The following FAM149B1 variants were observed in gnomAD, a reference collection of about 807,000 sequenced individuals.
FAM149B1 encodes primary cilium assembly protein FAM149B1.
Under a neutral mutation model 75.3 loss-of-function variants are expected in FAM149B1, and 56 were observed. The observed-to-expected ratio is 0.74, with a 90% CI of 0.60 to 0.93. The LOEUF (loss-of-function observed/expected upper bound fraction) is 0.93. Ranked by LOEUF, FAM149B1 falls within the 40% of genes least tolerant of loss-of-function variation. FAM149B1 has a pLI of 0.00. For missense variants in FAM149B1, 639 were observed against 708.4 expected, an observed-to-expected ratio of 0.90 and a Z score of 1.11; for synonymous variants, 259 against 256.1, an observed-to-expected ratio of 1.01 and a Z score of -0.11.
intron 7 of FAM149B1, among the ~76,000 whole-genome samples, chr10:73,220,953 G>C (rs2043399741): frequency 1.3e-5 from 2 of 152,150 alleles, no homozygotes; most frequent in Admixed American, 1.3e-4. Context: ...CCACAAAGAG[G>C]AATTAAGTAC....
chr10:73,232,837 C>T lies in FAM149B1; in HGVS notation c.1128-102C>T, dbSNP rs1009888808. 1.0e-5 allele frequency: 7 copies of T among 688,444 alleles called. No individual in the cohort carries two copies. The African/African-American group carries it at 1.1e-4, about 11-fold the overall frequency. 42.6% of individuals were successfully genotyped at this position (688,444 alleles called of 1,614,324 possible). On this transcript the variant is annotated intron_variant, in intron 9 of 13. Transcript: ENST00000242505. ...AGGTTTTTATTTTTGCTTTATTTCC[C>T]CCTAAATGTAGTTTCTAGTCTAAGG...
intron 7 of FAM149B1, among the ~76,000 whole-genome samples, chr10:73,226,478 C>T (rs1477945113): frequency 3.9e-5 from 6 of 152,122 alleles, no homozygotes. Flanking sequence ...ACGTTCCAGC[C>T]TGGGCAACAG....
intron 7 of FAM149B1, among the ~76,000 whole-genome samples, chr10:73,210,906 A>G (rs1039378322): frequency 6.6e-6 from 1 of 152,204 alleles, no homozygotes; most frequent in Non-Finnish European, 1.5e-5. Context: ...CTACTCTCAC[A>G]TACCACAACA....
At position 73,240,961 on chromosome 10, in the gene FAM149B1, G is replaced by A; in HGVS notation, c.1691G>A (p.Gly564Glu). ...GRGSAGPQLH[G>E]STKSQSGGRP... ...CATCTGACAGGTCCTCAGTTACATG[G>A]GTCTACAAAATCTCAAAGCGGAGGC... The change falls in exon 14 of 14, where the codon GGG becomes GAG. Residue 564 changes from glycine to glutamate, a missense_variant. By Grantham distance (98) the Gly-to-Glu change is moderately conservative. Transcript: ENST00000242505. 1.3e-6 allele frequency: 2 copies of A among 1,541,932 alleles called. No homozygotes were observed. The highest frequency in any genetic ancestry group is 1.8e-6 in the Non-Finnish European group (2 of 1,140,488).
intron 3 of FAM149B1, among the ~76,000 whole-genome samples, chr10:73,190,241 AT>A (rs56855443): frequency 0.059 from 8,535 of 143,758 alleles, 629 homozygotes; most frequent in African/African-American, 0.18. Flanking sequence ...GTAGTCACTG[AT>A]TTTTTTTTTT....
intron 5 of FAM149B1, among the ~76,000 whole-genome samples, chr10:73,201,996 C>T (rs1025294110): frequency 6.6e-6 from 1 of 152,010 alleles, no homozygotes; most frequent in Non-Finnish European, 1.5e-5. Context: ...GAAACCCCGT[C>T]TCTACTAAAA....
rs531458777 is a variant in FAM149B1 at position 73,180,283 on chromosome 10, T to C, written c.282+2308T>C. Among the ~76,000 whole-genome samples, 8 of 152,322 alleles carry C rather than the reference T, an allele frequency of 5.3e-5. No individual in the cohort carries two copies. In the South Asian group the frequency reaches 1.7e-3, roughly 32 times the overall value. On this transcript the variant is annotated intron_variant, in intron 3 of 13. Transcript: ENST00000242505. ...AAGCCCAAGGAGGAGAAGAGCTTCA[T>C]GTTTCCAAGGGAAAGTGTTTGGTGT...
rs529407810 is a variant in FAM149B1, at chr10:73,169,282, G to A, written c.47+896G>A. Among the ~76,000 whole-genome samples the A allele has an allele frequency of 3.9e-5, 6 of 151,984 alleles. No individual in the cohort carries two copies. The East Asian group carries it at 7.7e-4, about 20-fold the overall frequency. ...AGAGGTTGCAGTGAGCAGAGGTCACGCCATCGCACTCCAGTCTGGGTGACA... is the reference window on the plus strand; with the variant it reads ...AGAGGTTGCAGTGAGCAGAGGTCACACCATCGCACTCCAGTCTGGGTGACA... On this transcript the variant is annotated intron_variant, in intron 1 of 13. Coordinates refer to ENST00000242505, the MANE Select transcript of FAM149B1 (RefSeq NM_173348.2).
rs183455270 is a variant in FAM149B1 at position 73,203,176 on chromosome 10, G to A, written c.543-5443G>A. Among the ~76,000 whole-genome samples, 86 of 152,226 alleles carry A rather than the reference G, an allele frequency of 5.6e-4. 1 individual carries two copies. Among genetic ancestry groups the A allele is most frequent in the African/African-American group, 1.8e-3 (73 of 41,532 alleles). ...TCCAAACATGATATTCGCTTTCCAC[G>A]TAGCAGAAAGGAGGAAAGACAGAAG... On this transcript the variant is annotated intron_variant, in intron 5 of 13. Coordinates refer to ENST00000242505, the MANE Select transcript of FAM149B1 (RefSeq NM_173348.2).
chr10:73,238,970 A>G (rs2043884349), intron 12 of FAM149B1: 1 of 175,368 alleles, frequency 5.7e-6, no homozygotes, highest in South Asian at 1.9e-4. Flanking sequence ...GAAAGCATTC[A>G]TTTAAAATAT....
intron 4 of FAM149B1, 75 bp downstream of exon 4, chr10:73,192,773 T>C (rs2042715234): frequency 7.6e-7 from 1 of 1,320,330 alleles, no homozygotes; most frequent in Non-Finnish European, 1.0e-6. Context: ...AAAAAAAGCT[T>C]GTATTCTGAA....
chr10:73,228,996 G>A (rs1055257153), intron 8 of FAM149B1, among the ~76,000 whole-genome samples: 20 of 152,068 alleles, frequency 1.3e-4, no homozygotes, highest in African/African-American at 1.9e-4. Context: ...CTCCTGAGTC[G>A]CCACCATACC....
intron 5 of FAM149B1, among the ~76,000 whole-genome samples, chr10:73,197,507 C>T (rs1180451299): frequency 6.6e-6 from 1 of 152,166 alleles, no homozygotes; most frequent in African/African-American, 2.4e-5. Flanking sequence ...CGGTGGCTCA[C>T]GCCTGTAATC....
chr10:73,239,187 T>C (rs1346690475), intron 12 of FAM149B1, 125 bp from the exon 13 acceptor site: 3 of 719,198 alleles, frequency 4.2e-6, no homozygotes, highest in Non-Finnish European at 6.9e-6. Context: ...AGCTGACTTT[T>C]CCCTCAAGTT....
rs1208945583 is a variant in FAM149B1 at position 73,243,424 on chromosome 10, A to G, written c.*2405A>G. 3.1e-6 allele frequency: 5 copies of G among 1,613,842 alleles called. No individual in the cohort carries two copies. In the African/African-American group the frequency reaches 4.0e-5, roughly 13 times the overall value. ...ATTATTTCTTTTCTTTCTTGAGAGC[A>G]GATTTTTTCCCTCCTCCTTTGGAAG... On this transcript the variant is annotated 3_prime_UTR_variant, in exon 14 of 14. Transcript: ENST00000242505.
intron 7 of FAM149B1, among the ~76,000 whole-genome samples, chr10:73,222,941 T>C (rs1020349306): frequency 1.7e-4 from 26 of 152,190 alleles, no homozygotes; most frequent in African/African-American, 5.6e-4. Flanking sequence ...AGCTTGAGGA[T>C]TTTTTGTCTC....
At chr10:73,240,582 G>T (rs1202324413) in intron 13 of FAM149B1, among the ~76,000 whole-genome samples, 4 of 152,142 alleles carry the variant, frequency 2.6e-5, no homozygotes, top group African/African-American at 9.6e-5. Context: ...TGTGGTGGCA[G>T]ATGCCTGTAG....
intron 5 of FAM149B1, among the ~76,000 whole-genome samples, chr10:73,204,356 C>G (rs1382716546): frequency 6.6e-6 from 1 of 152,012 alleles, no homozygotes; most frequent in Admixed American, 6.6e-5. Flanking sequence ...AACTCCTGAC[C>G]TCAAGTGATC....
chr10:73,180,909 C>T (rs947901673), intron 3 of FAM149B1, among the ~76,000 whole-genome samples: 1 of 152,080 alleles, frequency 6.6e-6, no homozygotes, highest in Admixed American at 6.6e-5. Flanking sequence ...CCTCACCCCC[C>T]CACTACCCTT....
Sources: gnomAD v4.1 joint callset for allele counts (sites outside exome capture counted in the v4.1 genomes callset) on GRCh38, gnomAD v4.1.1 for gene constraint, MANE v1.5 for transcripts, NCBI Gene and HGNC (gene_info 2026-07-23, HGNC 2026-07-21) for gene names.